PPARGC1A: variants seen among roughly 807,000 people sequenced by gnomAD.
PPARGC1A encodes the protein PPARG coactivator 1 alpha.
A neutral mutation model predicts 88.7 loss-of-function variants in PPARGC1A; 25 were observed. That is an observed-to-expected ratio of 0.28 (90% CI 0.21 to 0.39). The LOEUF (loss-of-function observed/expected upper bound fraction) is 0.39, where lower values mean the gene tolerates loss of function less well. Ranked by LOEUF, PPARGC1A falls within the 10% of genes least tolerant of loss-of-function variation. PPARGC1A has a pLI of 1.00. For missense variants in PPARGC1A, 880 were observed against 968.7 expected, an observed-to-expected ratio of 0.91 and a Z score of 1.22; for synonymous variants, 363 against 355.6, an observed-to-expected ratio of 1.02 and a Z score of -0.24.
chr4:23,833,803 C>A (rs1725488594), intron 2 of PPARGC1A, among the ~76,000 whole-genome samples: 1 of 152,194 alleles, frequency 6.6e-6, no homozygotes, highest in Non-Finnish European at 1.5e-5. Context: ...TTTTAATTTG[C>A]ATAATGCATC....
At chr4:24,136,665 C>T in the PPARGC1A span, among the ~76,000 whole-genome samples, 1 of 152,162 alleles carries the variant, frequency 6.6e-6, no homozygotes, top group African/African-American at 2.4e-5. Flanking sequence ...ACAGCCTTTC[C>T]CAGCCTGTTT....
intron 9 of PPARGC1A, 71 bp from the exon 10 acceptor site, chr4:23,812,938 G>A: frequency 1.2e-6 from 2 of 1,612,678 alleles, no homozygotes; most frequent in Non-Finnish European, 1.7e-6. Context: ...ATAATATGGG[G>A]AGGGGTATAG....
chr4:24,009,871 A>C, the PPARGC1A span, among the ~76,000 whole-genome samples: 1 of 152,110 alleles, frequency 6.6e-6, no homozygotes, highest in African/African-American at 2.4e-5. Context: ...CTGCTATTTT[A>C]CACAGACCCA....
At chr4:24,310,178 G>T in the PPARGC1A span, among the ~76,000 whole-genome samples, 75 of 152,262 alleles carry the variant, frequency 4.9e-4, no homozygotes, top group Admixed American at 2.2e-3. Flanking sequence ...GCTCAAGAGA[G>T]TGTTCCAGGT....
At chr4:24,063,348 G>A in the PPARGC1A span, among the ~76,000 whole-genome samples, 7 of 152,050 alleles carry the variant, frequency 4.6e-5, no homozygotes, top group African/African-American at 1.2e-4. Context: ...GCCTTTCTCC[G>A]GTGTGTTCAG....
the PPARGC1A span, among the ~76,000 whole-genome samples, chr4:24,121,979 G>A: frequency 2.6e-5 from 4 of 152,000 alleles, no homozygotes; most frequent in African/African-American, 7.2e-5. Flanking sequence ...GGAAGAGCGC[G>A]TCACTGATGC....
chr4:24,087,974 G>A, the PPARGC1A span, among the ~76,000 whole-genome samples: 11 of 152,122 alleles, frequency 7.2e-5, no homozygotes, highest in Admixed American at 1.3e-4. Flanking sequence ...AAATCCTTTC[G>A]GGGAAGTTTT....
chr4:24,215,336 T>C, the PPARGC1A span, among the ~76,000 whole-genome samples: 9 of 152,224 alleles, frequency 5.9e-5, no homozygotes, highest in African/African-American at 2.2e-4. Context: ...ATGCTTTATG[T>C]GATCAGCTTA....
At chr4:23,984,642 A>G in the PPARGC1A span, among the ~76,000 whole-genome samples, 3 of 152,152 alleles carry the variant, frequency 2.0e-5, no homozygotes, top group Non-Finnish European at 2.9e-5. Flanking sequence ...ATAATCATGT[A>G]TCACTTTCCA....
chr4:24,133,926 G>A, the PPARGC1A span, among the ~76,000 whole-genome samples: 34 of 152,142 alleles, frequency 2.2e-4, no homozygotes, highest in Non-Finnish European at 2.4e-4. Flanking sequence ...CATAGCAAAA[G>A]AACACTGGCC....
the PPARGC1A span, among the ~76,000 whole-genome samples, chr4:24,063,968 C>A: frequency 1.3e-5 from 2 of 152,150 alleles, no homozygotes; most frequent in East Asian, 3.9e-4. Flanking sequence ...CTTCAACATG[C>A]TACTCAGCAG....
intron 4 of PPARGC1A, 24 bp from the exon 5 acceptor site, chr4:23,828,628 G>A: frequency 6.2e-7 from 1 of 1,606,208 alleles, no homozygotes; most frequent in Non-Finnish European, 8.5e-7. Flanking sequence ...CATAAAGAAA[G>A]CTAAAATTAG....
At chr4:23,841,493 T>C (rs976298442) in intron 2 of PPARGC1A, among the ~76,000 whole-genome samples, 1 of 152,032 alleles carries the variant, frequency 6.6e-6, no homozygotes, top group Non-Finnish European at 1.5e-5. Flanking sequence ...TTTTTTTTTT[T>C]AGAAAACACA....
chr4:24,323,124 G>A, the PPARGC1A span, among the ~76,000 whole-genome samples: 7 of 152,242 alleles, frequency 4.6e-5, no homozygotes, highest in South Asian at 1.5e-3. Flanking sequence ...ACCATGCCGG[G>A]CCTTAGAGAA....
At chr4:23,916,583 A>G in the PPARGC1A span, among the ~76,000 whole-genome samples, 24 of 152,144 alleles carry the variant, frequency 1.6e-4, no homozygotes, top group African/African-American at 5.6e-4. Context: ...AAAACATATC[A>G]TGGGTGTTTC....
At chr4:24,382,474 G>A in the PPARGC1A span, among the ~76,000 whole-genome samples, 1 of 152,230 alleles carries the variant, frequency 6.6e-6, no homozygotes, top group East Asian at 1.9e-4. Context: ...AACAACTGGG[G>A]ACCAAAACCA....
the PPARGC1A span, among the ~76,000 whole-genome samples, chr4:24,313,725 G>A: frequency 3.3e-5 from 5 of 152,062 alleles, no homozygotes; most frequent in Non-Finnish European, 7.4e-5. Flanking sequence ...CCAGCTTTAT[G>A]GAACATTTAT....
the PPARGC1A span, among the ~76,000 whole-genome samples, chr4:24,053,573 G>A: frequency 6.6e-6 from 1 of 152,126 alleles, no homozygotes; most frequent in Non-Finnish European, 1.5e-5. Context: ...AATTTTAGAG[G>A]AATCTCTCCC....
the PPARGC1A span, among the ~76,000 whole-genome samples, chr4:24,450,787 A>G: frequency 1.3e-5 from 2 of 152,092 alleles, no homozygotes; most frequent in Admixed American, 6.5e-5. Flanking sequence ...TGAATATTTG[A>G]CCATTTGAAG....
Sources: gnomAD v4.1 joint callset for allele counts (sites outside exome capture counted in the v4.1 genomes callset) on GRCh38, gnomAD v4.1.1 for gene constraint, MANE v1.5 for transcripts, NCBI Gene and HGNC (gene_info 2026-07-23, HGNC 2026-07-21) for gene names.